The following STARD7 variants were observed in gnomAD, a reference collection of about 807,000 sequenced individuals.
STARD7 encodes the protein stAR-related lipid transfer protein 7, mitochondrial.
STARD7 carries 30 observed loss-of-function variants against 45.3 expected under a neutral mutation model. The ratio of observed to expected loss-of-function variants is 0.66; its 90% CI spans 0.50 to 0.90. STARD7 has a LOEUF of 0.90. Ranked by LOEUF, STARD7 falls within the 40% of genes least tolerant of loss-of-function variation. The pLI, the probability that STARD7 is intolerant of heterozygous loss-of-function variation, is 0.00. For synonymous variants in STARD7, 199 were observed against 183.0 expected, an observed-to-expected ratio of 1.09 and a Z score of -0.70; for missense variants, 495 against 491.3, an observed-to-expected ratio of 1.01 and a Z score of -0.07.
chr2:96,196,106 CTT>C (rs1411231029), intron 1 of STARD7, among the ~76,000 whole-genome samples: 2 of 134,208 alleles, frequency 1.5e-5, no homozygotes, highest in African/African-American at 2.9e-5. Context: ...GAGTGAGACT[CTT>C]GTCTCAAAAA....
At position 96,208,624 on chromosome 2, in the gene STARD7, C is replaced by A; in HGVS notation, c.-190G>T. ...GAAGAGTCTCCTCTGAGGGGAGAGTCGGTCATGGCAGCAGACGCCGGGATG... is the reference window on the plus strand; with the variant it reads ...GAAGAGTCTCCTCTGAGGGGAGAGTAGGTCATGGCAGCAGACGCCGGGATG... On this transcript the variant is annotated 5_prime_UTR_variant, in exon 1 of 8. Coordinates refer to ENST00000337288, the MANE Select transcript of STARD7 (RefSeq NM_020151.4). The A allele has an allele frequency of 4.1e-6, 2 of 487,248 alleles. No individual in the cohort carries two copies. The highest frequency in any genetic ancestry group is 7.0e-6 in the Non-Finnish European group (2 of 285,842). The allele number at this position is 487,248 out of a possible 1,614,324, so 30.2% of individuals were successfully genotyped here. A position where few individuals can be genotyped will look rare whatever the true frequency, so the allele number is the denominator to read the frequency against.
intron 1 of STARD7, among the ~76,000 whole-genome samples, chr2:96,196,070 G>A (rs1298549588): frequency 2.1e-5 from 3 of 145,604 alleles, no homozygotes; most frequent in Non-Finnish European, 4.5e-5. Flanking sequence ...CCGAGATCAC[G>A]CCACTGCACT....
Position 96,185,153 on chromosome 2 carries a change from G to A in STARD7, c.*1577C>T, listed in dbSNP as rs1477958021. ...GGACATAACCCAGGGACTCTTCCCT[G>A]ACTTCTGTCAGGTCCTGGAAAGAAG... On this transcript the variant is annotated 3_prime_UTR_variant, in exon 8 of 8. Coordinates refer to ENST00000337288, the MANE Select transcript of STARD7 (RefSeq NM_020151.4). The A allele has an allele frequency of 6.6e-6, 1 of 152,588 alleles. No individual in the cohort carries two copies. The highest frequency in any genetic ancestry group is 1.5e-5 in the Non-Finnish European group (1 of 68,050). The allele number at this position is 152,588 out of a possible 1,614,324, so 9.5% of individuals were successfully genotyped here. A position where few individuals can be genotyped will look rare whatever the true frequency, so the allele number is the denominator to read the frequency against.
intron 6 of STARD7, among the ~76,000 whole-genome samples, chr2:96,190,058 C>T (rs980138541): frequency 2.0e-5 from 3 of 152,150 alleles, no homozygotes; most frequent in African/African-American, 7.2e-5. Flanking sequence ...GACCCAATAG[C>T]TATGAATATT....
At position 96,208,010 on chromosome 2, in the gene STARD7, T is replaced by C; in HGVS notation, c.290+135A>G. The C allele has an allele frequency of 3.9e-6, 3 of 776,396 alleles. 1 individual carries two copies. Among genetic ancestry groups the C allele is most frequent in the South Asian group, 2.1e-5 (1 of 46,796 alleles). The allele number at this position is 776,396 out of a possible 1,614,324, so 48.1% of individuals were successfully genotyped here. A position where few individuals can be genotyped will look rare whatever the true frequency, so the allele number is the denominator to read the frequency against. Reference sequence around the variant, plus strand: ...AGAGACAAATAACAACGCGGTTTGCTGAAGCAGGTTCAATCGACTGTATTG... The same window carrying C: ...AGAGACAAATAACAACGCGGTTTGCCGAAGCAGGTTCAATCGACTGTATTG... On this transcript the variant is annotated intron_variant, in intron 1 of 7. Coordinates refer to ENST00000337288, the MANE Select transcript of STARD7 (RefSeq NM_020151.4).
intron 1 of STARD7, among the ~76,000 whole-genome samples, chr2:96,203,742 C>A (rs1365315128): frequency 6.6e-6 from 1 of 152,028 alleles, no homozygotes; most frequent in African/African-American, 2.4e-5. Flanking sequence ...GCAGGCGGAT[C>A]ACTTGAGATC....
intron 6 of STARD7, among the ~76,000 whole-genome samples, chr2:96,191,208 A>C (rs1238849752): frequency 6.6e-6 from 1 of 152,200 alleles, no homozygotes; most frequent in Non-Finnish European, 1.5e-5. Context: ...ACTGAAATAT[A>C]TAATAGAAGA....
chr2:96,189,847 G>C (rs551761191), intron 6 of STARD7, among the ~76,000 whole-genome samples: 1 of 152,240 alleles, frequency 6.6e-6, no homozygotes. Flanking sequence ...CAAATTAGTA[G>C]TTGTGTTAGG....
At chr2:96,203,075 T>A in intron 1 of STARD7, among the ~76,000 whole-genome samples, 1 of 152,216 alleles carries the variant, frequency 6.6e-6, no homozygotes, top group East Asian at 1.9e-4. Context: ...GATCAAGTTA[T>A]TTTTTCCCAA....
chr2:96,189,936 T>A (rs961705450), intron 6 of STARD7, among the ~76,000 whole-genome samples: 9 of 152,102 alleles, frequency 5.9e-5, no homozygotes, highest in African/African-American at 2.2e-4. Flanking sequence ...AGTCCTGAAT[T>A]TGAATTAAAA....
chr2:96,198,231 G>C (rs1026245051), intron 1 of STARD7, among the ~76,000 whole-genome samples: 4 of 151,766 alleles, frequency 2.6e-5, no homozygotes, highest in Non-Finnish European at 5.9e-5. Flanking sequence ...GCTGAGACAG[G>C]AGAATTGCTT....
rs1485190560 is a variant in STARD7 at position 96,197,115 on chromosome 2, A to AAC, written c.291-1567_291-1566insGT. On this transcript the variant is annotated intron_variant, in intron 1 of 7. Transcript: ENST00000337288. ...ATAAAATAAAATAAAATAAAATAAA[A>AAC]TAAAATAAAGCCAAGCACAACGGCT... 5.6e-4 allele frequency among the ~76,000 whole-genome samples: 79 copies of AAC among 141,352 alleles called. 7 individuals are homozygous for AAC. In the East Asian group the frequency reaches 0.01, roughly 18 times the overall value. 92.7% of individuals were successfully genotyped at this position (141,352 alleles called of 152,430 possible). A position where few individuals can be genotyped will look rare whatever the true frequency, so the allele number is the denominator to read the frequency against.
intron 1 of STARD7, among the ~76,000 whole-genome samples, chr2:96,203,722 G>A (rs1051976943): frequency 6.6e-6 from 1 of 152,150 alleles, no homozygotes; most frequent in Admixed American, 6.5e-5. Flanking sequence ...CAGCACTTTG[G>A]GAGGCCAAGG....
chr2:96,208,301 TAG>T lies in STARD7; in HGVS notation c.132_133del (p.Tyr45ArgfsTer55). 6.2e-7 allele frequency: 1 copy of T among 1,608,940 alleles called. No individual in the cohort carries two copies. The highest frequency in any genetic ancestry group is 1.3e-5 in the African/African-American group (1 of 74,862). On this transcript the variant is annotated frameshift_variant, in exon 1 of 8. Coordinates refer to ENST00000337288, the MANE Select transcript of STARD7 (RefSeq NM_020151.4). LOFTEE classifies it high-confidence loss of function. Reference sequence around the variant, plus strand: ...TGAGCTCTCGGAGTAGAGGCGGCCGTAGAGCTGCGCGATCTGCTGCGCGCGCC... The same window carrying T: ...TGAGCTCTCGGAGTAGAGGCGGCCGTAGCTGCGCGATCTGCTGCGCGCGCC...
intron 1 of STARD7, among the ~76,000 whole-genome samples, chr2:96,205,161 T>C (rs1213624876): frequency 2.0e-5 from 3 of 152,214 alleles, no homozygotes; most frequent in Non-Finnish European, 4.4e-5. Context: ...TTAAGACAAC[T>C]GGGTACTAGA....
At chr2:96,190,933 G>A (rs139787335) in intron 6 of STARD7, among the ~76,000 whole-genome samples, 204 of 152,306 alleles carry the variant, frequency 1.3e-3, no homozygotes, top group Non-Finnish European at 2.3e-3. Context: ...GGAGGCTGAG[G>A]TGGGAGGATT....
intron 1 of STARD7, among the ~76,000 whole-genome samples, chr2:96,206,623 AC>A (rs1683393762): frequency 6.6e-6 from 1 of 151,598 alleles, no homozygotes; most frequent in Non-Finnish European, 1.5e-5. Context: ...ACACGGTGAA[AC>A]CCCGTCTCTA....
At position 96,195,326 on chromosome 2, in the gene STARD7, C is replaced by T; in HGVS notation, c.499+15G>A. 6.4e-7 allele frequency: 1 copy of T among 1,553,612 alleles called. No individual in the cohort carries two copies. Among genetic ancestry groups the T allele is most frequent in the East Asian group, 2.4e-5 (1 of 41,698 alleles). On this transcript the variant is annotated intron_variant, in intron 2 of 7. Transcript: ENST00000337288. ...TGCAACTATGGAACCCAAAAGATAG[C>T]CACACTGGGCTCACCTCGGTACTGG...
Position 96,208,321 on chromosome 2 carries a change from C to A in STARD7, c.114G>T (p.Ala38=). The A allele has an allele frequency of 6.2e-7, 1 of 1,605,758 alleles. No homozygotes were observed. The highest frequency in any genetic ancestry group is 8.5e-7 in the Non-Finnish European group (1 of 1,178,040). Residue 38 remains alanine (A), a synonymous_variant, in exon 1 of 8, where the codon GCG becomes GCT. Coordinates refer to ENST00000337288, the MANE Select transcript of STARD7 (RefSeq NM_020151.4). ...GGCCGTAGAGCTGCGCGATCTGCTG[C>A]GCGCGCCGCACGCGCAGGCCCGTGA... ...RFVTGLRVRR[A]QQIAQLYGRL...
Sources: gnomAD v4.1 joint callset for allele counts (sites outside exome capture counted in the v4.1 genomes callset) on GRCh38, gnomAD v4.1.1 for gene constraint, MANE v1.5 for transcripts, NCBI Gene and HGNC (gene_info 2026-07-23, HGNC 2026-07-21) for gene names.